Variants in PEX7 observed in about 807,000 individuals in gnomAD.
PEX7 encodes peroxisomal biogenesis factor 7.
In PEX7, 34 loss-of-function variants were observed where a neutral mutation model predicts 47.5. The ratio of observed to expected loss-of-function variants is 0.72; its 90% CI spans 0.54 to 0.95. PEX7 has a LOEUF of 0.95. Ranked by LOEUF, PEX7 falls within the 40% of genes least tolerant of loss-of-function variation. The pLI is 0.00. For synonymous variants in PEX7, 141 were observed against 148.8 expected (o/e 0.95, Z 0.38); for missense variants, 394 against 400.3 (o/e 0.98, Z 0.13).
chr6:136,913,464 G>T lies in PEX7; in HGVS notation c.910G>T (p.Asp304Tyr). Residue 304 changes from aspartate to tyrosine, a missense_variant, in exon 10 of 10, where the codon GAC becomes TAC. Coordinates refer to ENST00000318471, the MANE Select transcript of PEX7 (RefSeq NM_000288.4). ...FSLQSPTQVA[D>Y]CSWDETIKIY... ...CTTCATTTTTGTTTTCTAGGTGGCT[G>T]ACTGTTCTTGGGATGAAACAATAAA... 1.9e-6 allele frequency: 3 copies of T among 1,610,692 alleles called. No homozygotes were observed. Among genetic ancestry groups the T allele is most frequent in the East Asian group, 2.2e-5 (1 of 44,804 alleles).
rs544349426 is a variant in PEX7 at position 136,890,166 on chromosome 6, G to A, written c.804-7976G>A. Among the ~76,000 whole-genome samples, 3 of 152,262 alleles carry A rather than the reference G, an allele frequency of 2.0e-5. No individual in the cohort carries two copies. In the South Asian group the frequency reaches 6.2e-4, roughly 32 times the overall value. ...CATTGGACTTAATGGAATGAACCAC[G>A]TGGAGATTTAAAAAACCGTAATTAT... On this transcript the variant is annotated intron_variant, in intron 8 of 9. Coordinates refer to ENST00000318471, the MANE Select transcript of PEX7 (RefSeq NM_000288.4).
chr6:136,855,333 T>G (rs1302358268), intron 5 of PEX7, among the ~76,000 whole-genome samples: 1 of 151,360 alleles, frequency 6.6e-6, no homozygotes, highest in Non-Finnish European at 1.5e-5. Context: ...CTTTTCTTTT[T>G]CTTTTTCTTC....
At chr6:136,877,996 G>A (rs1460163825) in intron 8 of PEX7, among the ~76,000 whole-genome samples, 1 of 152,108 alleles carries the variant, frequency 6.6e-6, no homozygotes, top group African/African-American at 2.4e-5. Flanking sequence ...GTGGTTTGTA[G>A]TTCTCCTTGA....
At chr6:136,904,644 T>C (rs1775811378) in intron 9 of PEX7, among the ~76,000 whole-genome samples, 2 of 151,800 alleles carry the variant, frequency 1.3e-5, no homozygotes. Context: ...TTTTTTTTTT[T>C]TTTTTTACTG....
Position 136,845,839 on chromosome 6 carries a change from G to A in PEX7, c.417+147G>A, listed in dbSNP as rs114626592. On this transcript the variant is annotated intron_variant, in intron 4 of 9. Transcript: ENST00000318471. ...AAAAAAAAAATTAAAACACTTATTAGAACTTAAAATTTTCTAATCTTTTGG... is the reference window on the plus strand; with the variant it reads ...AAAAAAAAAATTAAAACACTTATTAAAACTTAAAATTTTCTAATCTTTTGG... 3,730 of 700,768 alleles carry A rather than the reference G, an allele frequency of 5.3e-3. 115 individuals carry two copies. In the African/African-American group the frequency reaches 0.06, roughly 11 times the overall value. The allele number at this position is 700,768 out of a possible 1,614,324, so 43.4% of individuals were successfully genotyped here.
intron 8 of PEX7, among the ~76,000 whole-genome samples, chr6:136,883,935 A>G: frequency 6.6e-6 from 1 of 152,228 alleles, no homozygotes; most frequent in South Asian, 2.1e-4. Flanking sequence ...TTTTTTTTAG[A>G]AATATAATTT....
Position 136,898,462 on chromosome 6 carries a change from A to G in PEX7, c.903+221A>G, listed in dbSNP as rs566339892. Among the ~76,000 whole-genome samples, 28 of 152,314 alleles carry G rather than the reference A, an allele frequency of 1.8e-4. No homozygotes were observed. The South Asian group carries it at 4.8e-3, about 26-fold the overall frequency. ...TGAGAGAAAAAGGAACCTTCCCAGGAGGTATTATCCTAACATTTTAAAGGC... is the reference window on the plus strand; with the variant it reads ...TGAGAGAAAAAGGAACCTTCCCAGGGGGTATTATCCTAACATTTTAAAGGC... On this transcript the variant is annotated intron_variant, in intron 9 of 9. Coordinates refer to ENST00000318471, the MANE Select transcript of PEX7 (RefSeq NM_000288.4).
intron 8 of PEX7, among the ~76,000 whole-genome samples, chr6:136,893,880 A>G (rs1183072188): frequency 2.6e-5 from 4 of 152,284 alleles, no homozygotes; most frequent in Non-Finnish European, 5.9e-5. Flanking sequence ...AGGAAAAGAA[A>G]GAACTTTAAA....
intron 5 of PEX7, among the ~76,000 whole-genome samples, chr6:136,858,774 G>A (rs984765979): frequency 1.3e-5 from 2 of 152,148 alleles, no homozygotes; most frequent in South Asian, 2.1e-4. Flanking sequence ...TTTCAGTGCC[G>A]AATTCAGAGA....
At chr6:136,905,978 C>T (rs1293382041) in intron 9 of PEX7, among the ~76,000 whole-genome samples, 2 of 152,178 alleles carry the variant, frequency 1.3e-5, no homozygotes, top group East Asian at 3.8e-4. Flanking sequence ...CCAGACAATG[C>T]CTTTCTACCT....
chr6:136,861,096 A>G (rs1774954368), intron 5 of PEX7, among the ~76,000 whole-genome samples: 1 of 151,614 alleles, frequency 6.6e-6, no homozygotes, highest in Non-Finnish European at 1.5e-5. Context: ...TTTTATTTTT[A>G]TTTTTTGAGA....
intron 2 of PEX7, among the ~76,000 whole-genome samples, 170 bp from the exon 3 acceptor site, chr6:136,826,149 G>T (rs1233701041): frequency 6.6e-6 from 1 of 151,762 alleles, no homozygotes; most frequent in Admixed American, 6.6e-5. Context: ...TGCCATATTT[G>T]TCAAGTACCT....
chr6:136,841,831 C>T (rs1774506150), intron 3 of PEX7, among the ~76,000 whole-genome samples: 1 of 151,836 alleles, frequency 6.6e-6, no homozygotes, highest in Non-Finnish European at 1.5e-5. Flanking sequence ...AGCGGTCCTC[C>T]TGCCTCGGCC....
intron 3 of PEX7, among the ~76,000 whole-genome samples, chr6:136,844,623 G>A (rs1254671865): frequency 6.6e-6 from 1 of 152,092 alleles, no homozygotes; most frequent in African/African-American, 2.4e-5. Flanking sequence ...ATAACTAAAA[G>A]TTTGTATCCT....
intron 8 of PEX7, among the ~76,000 whole-genome samples, chr6:136,882,175 CTTTTTTTTT>C: frequency 9.6e-6 from 1 of 104,310 alleles, no homozygotes; most frequent in East Asian, 2.7e-4. Context: ...TCTTCTTCTT[CTTTTTTTTT>C]TTTTTTTTTT....
intron 8 of PEX7, among the ~76,000 whole-genome samples, chr6:136,883,157 C>T (rs1161694809): frequency 6.6e-6 from 1 of 151,970 alleles, no homozygotes; most frequent in Non-Finnish European, 1.5e-5. Context: ...AAATTGTTTC[C>T]GAGTGGAATG....
chr6:136,873,809 A>G (rs972519728), intron 8 of PEX7, among the ~76,000 whole-genome samples: 3 of 151,854 alleles, frequency 2.0e-5, no homozygotes, highest in African/African-American at 7.3e-5. Flanking sequence ...ATGAATTCCT[A>G]TTTTCTTGAG....
chr6:136,862,387 C>T (rs774788311), intron 5 of PEX7, among the ~76,000 whole-genome samples: 18 of 151,500 alleles, frequency 1.2e-4, no homozygotes, highest in Admixed American at 5.3e-4. Flanking sequence ...CATATTTTTA[C>T]GTTTTTGAGA....
chr6:136,906,670 C>T (rs980628987), intron 9 of PEX7, among the ~76,000 whole-genome samples: 1 of 152,122 alleles, frequency 6.6e-6, no homozygotes, highest in East Asian at 1.9e-4. Flanking sequence ...CTATTGCTGT[C>T]CCTTTTTTAA....
Sources: gnomAD v4.1 joint callset for allele counts (sites outside exome capture counted in the v4.1 genomes callset) on GRCh38, gnomAD v4.1.1 for gene constraint, MANE v1.5 for transcripts, NCBI Gene and HGNC (gene_info 2026-07-23, HGNC 2026-07-21) for gene names.